Variants in ADAMTSL1 observed in about 807,000 individuals in gnomAD.
The protein encoded by ADAMTSL1 is ADAMTS like 1, also known as ADAMTS-like protein 1.
ADAMTSL1 carries 126 observed loss-of-function variants against 201.8 expected under a neutral mutation model. The observed-to-expected ratio is 0.62, with a 90% CI of 0.54 to 0.72. The LOEUF is 0.72. Among genes scored for constraint, ADAMTSL1 ranks in the 30% least tolerant of loss-of-function variants. ADAMTSL1 has a pLI of 0.00. For missense variants in ADAMTSL1, 2,679 were observed against 2,277.8 expected (o/e 1.18, Z -3.59); for synonymous variants, 1,121 against 903.4 (o/e 1.24, Z -4.32).
intron 2 of ADAMTSL1, among the ~76,000 whole-genome samples, chr9:18,313,363 A>T (rs190331575): frequency 1.3e-5 from 2 of 152,258 alleles, no homozygotes; most frequent in Admixed American, 1.3e-4. Context: ...CTGTTACCTC[A>T]CCCCAGGTGA....
chr9:18,474,554 G>A (rs143441159), intron 1 of ADAMTSL1, among the ~76,000 whole-genome samples: 1 of 152,102 alleles, frequency 6.6e-6, no homozygotes, highest in African/African-American at 2.4e-5. Flanking sequence ...CATGAACTTT[G>A]GGACATACTG....
chr9:17,920,041 G>A (rs1826244431), intron 1 of ADAMTSL1, among the ~76,000 whole-genome samples: 1 of 152,022 alleles, frequency 6.6e-6, no homozygotes, highest in Admixed American at 6.6e-5. Context: ...ATTCCTCATT[G>A]TGATTTTTGT....
chr9:18,010,668 C>T lies in ADAMTSL1; in HGVS notation c.87+103746C>T, dbSNP rs977708493. Among the ~76,000 whole-genome samples, 12 of 151,930 alleles carry T rather than the reference C, an allele frequency of 7.9e-5. 1 individual carries two copies. The highest frequency in any genetic ancestry group is 2.7e-4 in the African/African-American group (11 of 41,412). ...CTCAGCCCAGACAATGGACACAACCCTAAGAGAGTGGGTGGAGAGCTAGCT... is the reference window on the plus strand; with the variant it reads ...CTCAGCCCAGACAATGGACACAACCTTAAGAGAGTGGGTGGAGAGCTAGCT... On this transcript the variant is annotated intron_variant, in intron 1 of 29. Transcript: ENST00000680146.
At chr9:18,316,133 G>T (rs561525341) in intron 2 of ADAMTSL1, among the ~76,000 whole-genome samples, 22 of 152,292 alleles carry the variant, frequency 1.4e-4, no homozygotes, top group African/African-American at 5.1e-4. Flanking sequence ...GTGCGAATAG[G>T]TGTGGGTCAC....
intron 3 of ADAMTSL1, among the ~76,000 whole-genome samples, chr9:18,568,627 T>C (rs1309157784): frequency 6.6e-6 from 1 of 152,106 alleles, no homozygotes; most frequent in Non-Finnish European, 1.5e-5. Context: ...TTTTCTTGCA[T>C]AGTAACTGTT....
intron 2 of ADAMTSL1, among the ~76,000 whole-genome samples, chr9:18,273,274 T>A (rs1288156674): frequency 6.6e-6 from 1 of 151,940 alleles, no homozygotes. Context: ...AGAGACGGAG[T>A]TTCACCATGT....
intron 1 of ADAMTSL1, among the ~76,000 whole-genome samples, chr9:18,158,626 C>G (rs1827256287): frequency 6.6e-6 from 1 of 151,962 alleles, no homozygotes; most frequent in African/African-American, 2.4e-5. Context: ...AATGGCAGAC[C>G]ATTCAACATC....
chr9:18,623,243 CA>C (rs11313686), intron 5 of ADAMTSL1, among the ~76,000 whole-genome samples: 46,767 of 140,616 alleles, frequency 0.33, 8,027 homozygotes, highest in South Asian at 0.51. Context: ...TCAATACTAG[CA>C]AAAAAAAAAA....
chr9:18,316,494 A>G (rs1013846488), intron 2 of ADAMTSL1, among the ~76,000 whole-genome samples: 2 of 152,116 alleles, frequency 1.3e-5, no homozygotes, highest in African/African-American at 2.4e-5. Context: ...TTGCTGAGAA[A>G]AAAGAATTCA....
intron 4 of ADAMTSL1, among the ~76,000 whole-genome samples, chr9:18,612,153 A>G (rs535281561): frequency 2.0e-5 from 3 of 152,344 alleles, no homozygotes; most frequent in Admixed American, 6.5e-5. Flanking sequence ...AATAATGAGC[A>G]TTTATGCCCC....
intron 2 of ADAMTSL1, among the ~76,000 whole-genome samples, chr9:18,233,260 C>A (rs1332549459): frequency 1.3e-5 from 2 of 152,052 alleles, no homozygotes; most frequent in Non-Finnish European, 2.9e-5. Context: ...TTGTTCCTGG[C>A]ATTAGTAATA....
Position 18,504,916 on chromosome 9 carries a change from G to T in ADAMTSL1, c.151G>T (p.Gly51Cys), listed in dbSNP as rs779454317. The change falls in exon 2 of 29, where the codon GGT becomes TGT. Residue 51 changes from glycine to cysteine, a missense_variant. Transcript: ENST00000380548. ...GAGTGAATGCTCACGCACCTGCGGGGGTGGGGCCTCCTACTCTCTGAGGCG... is the reference window on the plus strand; with the variant it reads ...GAGTGAATGCTCACGCACCTGCGGGTGTGGGGCCTCCTACTCTCTGAGGCG... ...PWSECSRTCGGGASYSLRRCL... is the reference protein window; with the variant it reads ...PWSECSRTCGCGASYSLRRCL... 6.2e-7 allele frequency: 1 copy of T among 1,612,706 alleles called. No homozygotes were observed. The highest frequency in any genetic ancestry group is 8.5e-7 in the Non-Finnish European group (1 of 1,179,672).
chr9:18,782,608 G>T (rs1371226548), intron 19 of ADAMTSL1, among the ~76,000 whole-genome samples: 6 of 152,176 alleles, frequency 3.9e-5, no homozygotes, highest in African/African-American at 9.7e-5. Flanking sequence ...AATGGAGCAA[G>T]GCAACAAACA....
At chr9:17,975,302 A>C (rs1175759236) in intron 1 of ADAMTSL1, among the ~76,000 whole-genome samples, 1 of 152,008 alleles carries the variant, frequency 6.6e-6, no homozygotes, top group Non-Finnish European at 1.5e-5. Flanking sequence ...AAAATATCAT[A>C]AGCTGAGTAG....
At chr9:18,315,047 C>G (rs10963572) in intron 2 of ADAMTSL1, among the ~76,000 whole-genome samples, 2 of 151,770 alleles carry the variant, frequency 1.3e-5, no homozygotes, top group Admixed American at 6.6e-5. Flanking sequence ...CCGCCCGCCT[C>G]GGCCTCCCAA....
chr9:18,443,016 C>T (rs1418783201), intron 2 of ADAMTSL1, among the ~76,000 whole-genome samples: 1 of 152,202 alleles, frequency 6.6e-6, no homozygotes, highest in Non-Finnish European at 1.5e-5. Context: ...TTTGTCTTTA[C>T]AAGCCTGTGC....
At chr9:17,950,067 C>T (rs561451840) in intron 1 of ADAMTSL1, among the ~76,000 whole-genome samples, 4 of 152,062 alleles carry the variant, frequency 2.6e-5, no homozygotes, top group African/African-American at 9.6e-5. Flanking sequence ...TATAGGCATG[C>T]ACCGCCACTG....
rs762473354 is a variant in ADAMTSL1, at chr9:18,770,624, G to T, written c.2240G>T (p.Gly747Val). 3.7e-6 allele frequency: 6 copies of T among 1,612,866 alleles called. No homozygotes were observed. The East Asian group carries it at 1.1e-4, about 30-fold the overall frequency. The change falls in exon 17 of 29, where the codon GGT (glycine) becomes GTT (valine). Residue 747 changes from glycine (G) to valine (V), a missense_variant. Gly to Val is a moderately radical substitution (Grantham distance 109). Transcript: ENST00000380548. ...WQPCSRTCGG[G>V]VQKREVLCKQ... ...CAGTGTTCCAGAACGTGTGGCGGGG[G>T]TGTTCAGAAACGTGAGGTTCTTTGC...
At chr9:17,928,230 T>C (rs7867066) in intron 1 of ADAMTSL1, among the ~76,000 whole-genome samples, 132,910 of 152,064 alleles carry the variant, frequency 0.87, 58,173 homozygotes, top group East Asian at 0.95. Flanking sequence ...AACTCCCTGC[T>C]TCAAGCGATC....
Sources: gnomAD v4.1 joint callset for allele counts (sites outside exome capture counted in the v4.1 genomes callset) on GRCh38, gnomAD v4.1.1 for gene constraint, MANE v1.5 for transcripts, NCBI Gene and HGNC (gene_info 2026-07-23, HGNC 2026-07-21) for gene names.